The following NPHP4 variants were observed in gnomAD, a reference collection of about 807,000 sequenced individuals.
NPHP4 encodes nephrocystin-4.
In NPHP4, 151 loss-of-function variants were observed where a neutral mutation model predicts 155.8. The observed-to-expected ratio is 0.97, with a 90% CI of 0.85 to 1.11. The LOEUF is 1.11. NPHP4 is among the 50% of genes least tolerant of loss of function. The probability of loss-of-function intolerance (pLI) is 0.00; values close to 1 mark genes in which losing one functional copy is unlikely to be tolerated. For synonymous variants in NPHP4, 845 were observed against 816.8 expected (o/e 1.03, Z -0.59); for missense variants, 1,956 against 1,925.7 (o/e 1.02, Z -0.29).
chr1:5,883,529 T>C (rs1643494404), intron 18 of NPHP4, among the ~76,000 whole-genome samples: 2 of 152,292 alleles, frequency 1.3e-5, no homozygotes, highest in Middle Eastern at 3.4e-3. Flanking sequence ...GGGCTGGCAG[T>C]CCTGGCAAGC....
chr1:5,971,975 C>T (rs140736472), intron 3 of NPHP4, among the ~76,000 whole-genome samples: 2 of 152,392 alleles, frequency 1.3e-5, no homozygotes, highest in African/African-American at 4.8e-5. Context: ...ATGCCTTCAT[C>T]TTCAAAAACA....
At chr1:5,922,241 C>T (rs1219216434) in intron 11 of NPHP4, among the ~76,000 whole-genome samples, 5 of 152,186 alleles carry the variant, frequency 3.3e-5, no homozygotes, top group South Asian at 2.1e-4. Flanking sequence ...AGCACAGCCC[C>T]GCTGAGCCCT....
intron 2 of NPHP4, among the ~76,000 whole-genome samples, chr1:5,981,851 G>C (rs952378305): frequency 6.6e-6 from 1 of 152,052 alleles, no homozygotes; most frequent in African/African-American, 2.4e-5. Context: ...AATATTTTCA[G>C]GGCTGCTGTG....
intron 5 of NPHP4, among the ~76,000 whole-genome samples, chr1:5,966,580 CAT>C (rs1249424987): frequency 1.1e-4 from 17 of 152,132 alleles, no homozygotes; most frequent in African/African-American, 3.9e-4. Context: ...ACGAGGCACA[CAT>C]GACATCCCCT....
intron 5 of NPHP4, 84 bp downstream of exon 5, chr1:5,967,215 G>A: frequency 9.6e-7 from 1 of 1,046,282 alleles, no homozygotes. Context: ...CACTGAGAAA[G>A]ATCCCATTCA....
At chr1:5,963,504 C>T (rs768704333) in intron 5 of NPHP4, among the ~76,000 whole-genome samples, 73 of 152,024 alleles carry the variant, frequency 4.8e-4, no homozygotes, top group Admixed American at 1.1e-3. Flanking sequence ...GGTATTTGAC[C>T]TGAGTGGCTA....
At chr1:5,980,065 G>A (rs1382431098) in intron 2 of NPHP4, among the ~76,000 whole-genome samples, 1 of 152,196 alleles carries the variant, frequency 6.6e-6, no homozygotes, top group East Asian at 1.9e-4. Context: ...GGCCATCCCT[G>A]CACCTCAGAG....
At position 5,874,653 on chromosome 1, in the gene NPHP4, T is replaced by C. The variant is rs368243086; in HGVS notation, c.3049A>G (p.Ile1017Val). The C allele has an allele frequency of 2.5e-6, 4 of 1,610,742 alleles. No homozygotes were observed. In the Middle Eastern group the frequency reaches 5.9e-4, roughly 238 times the overall value. The change falls in exon 22 of 30, where the codon ATC (isoleucine) becomes GTC (valine). Residue 1017 changes from isoleucine (I) to valine (V), a missense_variant. Transcript: ENST00000378156. ...TCCCTCCACTCCTGACTGTCCACGA[T>C]GACGCTGGGGGAGGCAGTGTCCAGG... is the stretch of plus-strand genomic sequence containing the variant. ...VEIDNPELSV[I>V]VDSQEWRDFK...
At chr1:5,951,146 T>C (rs1647918343) in intron 7 of NPHP4, among the ~76,000 whole-genome samples, 1 of 152,132 alleles carries the variant, frequency 6.6e-6, no homozygotes, top group African/African-American at 2.4e-5. Context: ...CCCGAGGGAA[T>C]GGGCGGGGAG....
At chr1:5,877,029 G>T (rs1331325838) in intron 20 of NPHP4, 64 bp downstream of exon 20, 1 of 1,077,750 alleles carries the variant, frequency 9.3e-7, no homozygotes, top group South Asian at 3.8e-5. Context: ...GCAGGGAAAG[G>T]ATGTGCACAG....
rs928321496 is a variant in NPHP4, at chr1:5,889,679, T to C, written c.2304+1189A>G. On this transcript the variant is annotated intron_variant, in intron 17 of 29. Coordinates refer to ENST00000378156, the MANE Select transcript of NPHP4 (RefSeq NM_015102.5). This position sits in a 1 kb window ranked among gnomAD's most constrained non-coding sequence, Gnocchi z 4.2. The stretch of plus-strand genomic sequence containing the variant: ...GCTGAGGCCTGTGCTAGAGATGCTG[T>C]GGTGTCGACACACAGTCCTGCCCTG... 6.6e-6 allele frequency among the ~76,000 whole-genome samples: 1 copy of C among 152,120 alleles called. No individual in the cohort carries two copies. Among genetic ancestry groups the C allele is most frequent in the African/African-American group, 2.4e-5 (1 of 41,412 alleles).
At chr1:5,936,518 A>G (rs907472134) in intron 9 of NPHP4, among the ~76,000 whole-genome samples, 1 of 152,200 alleles carries the variant, frequency 6.6e-6, no homozygotes, top group African/African-American at 2.4e-5. Context: ...ACACAAACTG[A>G]AAAGAAAAAA....
At chr1:5,990,314 C>T (rs570433766) in intron 1 of NPHP4, among the ~76,000 whole-genome samples, 198 of 152,248 alleles carry the variant, frequency 1.3e-3, no homozygotes, top group African/African-American at 4.5e-3. Context: ...CAGCAAAAGT[C>T]TTTTAAGGAT....
chr1:5,930,148 C>G (rs1295811931), intron 10 of NPHP4, among the ~76,000 whole-genome samples: 2 of 152,134 alleles, frequency 1.3e-5, no homozygotes, highest in Non-Finnish European at 2.9e-5. Flanking sequence ...ACTGATATTC[C>G]TTCTTTCATT....
intron 11 of NPHP4, among the ~76,000 whole-genome samples, chr1:5,926,515 T>C (rs1646013405): frequency 6.6e-6 from 1 of 152,216 alleles, no homozygotes; most frequent in South Asian, 2.1e-4. Context: ...CTTTTTTTCT[T>C]GTCATTACTC....
chr1:5,916,195 T>A (rs1039726900), intron 11 of NPHP4, among the ~76,000 whole-genome samples: 3 of 152,174 alleles, frequency 2.0e-5, no homozygotes, highest in Non-Finnish European at 4.4e-5. Flanking sequence ...TGCACACTCT[T>A]CTGTGGTAAG....
At chr1:5,924,651 CTTTA>C (rs1645904812) in intron 11 of NPHP4, among the ~76,000 whole-genome samples, 1 of 152,054 alleles carries the variant, frequency 6.6e-6, no homozygotes, top group South Asian at 2.1e-4. Flanking sequence ...ATAACTATAT[CTTTA>C]TTTACTTATT....
At chr1:5,873,384 C>G in intron 22 of NPHP4, 49 bp from the exon 23 acceptor site, 1 of 1,458,810 alleles carries the variant, frequency 6.9e-7, no homozygotes. Flanking sequence ...CACCATTAGG[C>G]GACCAGCACC....
intron 9 of NPHP4, among the ~76,000 whole-genome samples, chr1:5,945,851 C>T (rs1057382712): frequency 6.6e-6 from 1 of 152,166 alleles, no homozygotes; most frequent in Admixed American, 6.5e-5. Context: ...AAAACAATCC[C>T]TAAGTCCTAA....
Sources: allele counts gnomAD v4.1 joint callset (sites outside exome capture counted in the v4.1 genomes callset), GRCh38; gene constraint gnomAD v4.1.1; non-coding constraint Gnocchi (gnomAD v3.1); transcripts MANE v1.5; gene names NCBI Gene and HGNC (gene_info 2026-07-23, HGNC 2026-07-21).